The following GRAMD1B variants were observed in gnomAD, a reference collection of about 807,000 sequenced individuals.
GRAMD1B encodes the protein protein Aster-B.
GRAMD1B carries 37 observed loss-of-function variants against 99.7 expected under a neutral mutation model. The observed-to-expected ratio is 0.37, with a 90% CI of 0.29 to 0.49. The LOEUF (loss-of-function observed/expected upper bound fraction) is 0.49. Ranked by LOEUF, GRAMD1B falls within the 20% of genes least tolerant of loss-of-function variation. GRAMD1B has a pLI of 0.98. For synonymous variants in GRAMD1B, 427 were observed against 387.6 expected, an observed-to-expected ratio of 1.10 and a Z score of -1.19; for missense variants, 888 against 1,009.2, an observed-to-expected ratio of 0.88 and a Z score of 1.63.
intron 2 of GRAMD1B, among the ~76,000 whole-genome samples, chr11:123,514,177 T>C (rs1565316722): frequency 6.6e-6 from 1 of 152,050 alleles, no homozygotes. Context: ...AGGTTCAAAA[T>C]CAGGGACGCA....
In GRAMD1B at chr11:123,512,703, C is replaced by CTTTTTT. The variant is rs766565214; in HGVS notation, c.452+31828_452+31833dup. Among the ~76,000 whole-genome samples the CTTTTTT allele has an allele frequency of 7.6e-4, 78 of 103,008 alleles. 1 individual carries two copies. The highest frequency in any genetic ancestry group is 2.8e-3 in the African/African-American group (74 of 25,978). 67.6% of individuals were successfully genotyped at this position (103,008 alleles called of 152,430 possible). A position where few individuals can be genotyped will look rare whatever the true frequency, so the allele number is the denominator to read the frequency against. Reference sequence around the variant, plus strand: ...GTCATTTCAAAGCAGCATTGTGAATCTTTTTTTTTTTTTTTTTTTTTTTAA... The same window carrying CTTTTTT: ...GTCATTTCAAAGCAGCATTGTGAATCTTTTTTTTTTTTTTTTTTTTTTTTTTTTTAA... On this transcript the variant is annotated intron_variant, in intron 2 of 19. Coordinates refer to ENST00000635736, the MANE Select transcript of GRAMD1B (RefSeq NM_001387025.1).
In GRAMD1B at chr11:123,605,429, T is replaced by C. The variant is rs770423087; in HGVS notation, c.1274T>C (p.Ile425Thr). Residue 425 changes from isoleucine (I) to threonine (T), a missense_variant, in exon 10 of 20, where the codon ATC becomes ACC. Around this residue, in one of 5 missense-constraint regions of GRAMD1B, gnomAD observed 269 missense variants for 296.6 expected, o/e 0.91. Transcript: ENST00000635736. ...AGTCCACAGCTGCCCAAGAAATCCA[T>C]CACCAACAGCACACTAACATCCACA... ...DASPQLPKKS[I>T]TNSTLTSTGS... The C allele has an allele frequency of 2.0e-5, 33 of 1,613,212 alleles. No individual in the cohort carries two copies. The South Asian group carries it at 3.5e-4, about 17-fold the overall frequency.
intron 2 of GRAMD1B, among the ~76,000 whole-genome samples, chr11:123,482,226 G>A (rs2134859515): frequency 6.6e-6 from 1 of 152,114 alleles, no homozygotes; most frequent in East Asian, 1.9e-4. Context: ...AGCCTCCGGA[G>A]TAATTGGGAT....
At chr11:123,446,257 C>G (rs1427716277) in intron 1 of GRAMD1B, among the ~76,000 whole-genome samples, 9 of 152,114 alleles carry the variant, frequency 5.9e-5, no homozygotes, top group Non-Finnish European at 1.3e-4. Context: ...CCTCCACCTC[C>G]CAGGTTCAAG....
chr11:123,512,834 C>A (rs1941176691), intron 2 of GRAMD1B, among the ~76,000 whole-genome samples: 1 of 151,654 alleles, frequency 6.6e-6, no homozygotes. Context: ...TCCACGAGCC[C>A]CCTTCATTGG....
intron 2 of GRAMD1B, among the ~76,000 whole-genome samples, chr11:123,504,094 A>G (rs1940173788): frequency 6.6e-6 from 1 of 152,110 alleles, no homozygotes; most frequent in Non-Finnish European, 1.5e-5. Flanking sequence ...AGGTAATGTC[A>G]CTCATGTTTC....
intron 1 of GRAMD1B, among the ~76,000 whole-genome samples, chr11:123,436,742 C>T (rs1309733616): frequency 1.3e-5 from 2 of 152,192 alleles, no homozygotes; most frequent in Admixed American, 1.3e-4. Context: ...TACCATTGAA[C>T]ATAAGACGGC....
chr11:123,514,687 C>T (rs922267026), intron 2 of GRAMD1B, among the ~76,000 whole-genome samples: 2 of 152,128 alleles, frequency 1.3e-5, no homozygotes, highest in African/African-American at 2.4e-5. Flanking sequence ...TGTGAAAGCC[C>T]GTGCAGTGCT....
chr11:123,390,212 A>C (rs866872039), intron 1 of GRAMD1B, among the ~76,000 whole-genome samples: 6 of 152,106 alleles, frequency 3.9e-5, no homozygotes, highest in Middle Eastern at 6.8e-3. Context: ...ATGGTGTTTG[A>C]TATTGATTTC....
intron 1 of GRAMD1B, among the ~76,000 whole-genome samples, chr11:123,403,755 G>A (rs778990250): frequency 9.9e-5 from 15 of 151,822 alleles, no homozygotes; most frequent in Non-Finnish European, 2.1e-4. Context: ...CGTTGGTGAG[G>A]CTAGTCTCGA....
rs560673616 is a variant in GRAMD1B, at chr11:123,520,223, G to A, written c.452+39330G>A. 9.9e-5 allele frequency among the ~76,000 whole-genome samples: 15 copies of A among 152,258 alleles called. No individual in the cohort carries two copies. In the East Asian group the frequency reaches 2.5e-3, roughly 25 times the overall value. Reference sequence around the variant, plus strand: ...AACCCAGTAAAGTTCAGAAGAAACCGTGGTAACAAGAGACTTGGAGTAATA... The same window carrying A: ...AACCCAGTAAAGTTCAGAAGAAACCATGGTAACAAGAGACTTGGAGTAATA... On this transcript the variant is annotated intron_variant, in intron 2 of 19. Transcript: ENST00000635736.
Position 123,492,855 on chromosome 11 carries a change from C to G in GRAMD1B, c.452+11962C>G, listed in dbSNP as rs940865405. 1.5e-5 allele frequency among the ~76,000 whole-genome samples: 2 copies of G among 135,466 alleles called. No homozygotes were observed. Among genetic ancestry groups the G allele is most frequent in the African/African-American group, 6.0e-5 (2 of 33,148 alleles). The allele number at this position is 135,466 out of a possible 152,430, so 88.9% of individuals were successfully genotyped here. On this transcript the variant is annotated intron_variant, in intron 2 of 19. Coordinates refer to ENST00000635736, the MANE Select transcript of GRAMD1B (RefSeq NM_001387025.1). The surrounding 1 kb of genome is among the most constrained non-coding windows in gnomAD (Gnocchi z 4.2). ...ATCCTCTCTCTCTCTCTGTCTCTCTCTTTCACACATACACACACACACACA... is the reference window on the plus strand; with the variant it reads ...ATCCTCTCTCTCTCTCTGTCTCTCTGTTTCACACATACACACACACACACA...
chr11:123,391,396 G>T (rs1413769209), intron 1 of GRAMD1B, among the ~76,000 whole-genome samples: 1 of 152,048 alleles, frequency 6.6e-6, no homozygotes. Flanking sequence ...TCACCTCATT[G>T]AAATCTCTCT....
chr11:123,441,994 G>T (rs938252051), intron 1 of GRAMD1B, among the ~76,000 whole-genome samples: 6 of 152,180 alleles, frequency 3.9e-5, no homozygotes, highest in Non-Finnish European at 7.3e-5. Flanking sequence ...TGAGGATAGA[G>T]AATTTGAAAG....
intron 2 of GRAMD1B, among the ~76,000 whole-genome samples, chr11:123,488,466 G>A (rs1056461462): frequency 1.3e-5 from 2 of 152,212 alleles, no homozygotes; most frequent in African/African-American, 2.4e-5. Context: ...TGGCCCTGCT[G>A]TCTGCTAGGC....
intron 2 of GRAMD1B, among the ~76,000 whole-genome samples, chr11:123,512,622 C>T (rs1398276086): frequency 6.6e-6 from 1 of 150,806 alleles, no homozygotes; most frequent in East Asian, 2.0e-4. Flanking sequence ...GAGGCTGAGG[C>T]ATTTACTTTC....
rs761185461 is a variant in GRAMD1B, at chr11:123,614,778, C to T, written c.2261C>T (p.Thr754Ile). The change falls in exon 17 of 20, where the codon ACC becomes ATC. Residue 754 changes from threonine to isoleucine, a missense_variant. Physicochemically the swap from Thr to Ile is moderately conservative, Grantham distance 89 (BLOSUM62 -1). This residue lies in a region of GRAMD1B where 232 missense variants were observed against 261.7 expected (regional missense o/e 0.89). Coordinates refer to ENST00000635736, the MANE Select transcript of GRAMD1B (RefSeq NM_001387025.1). ...STQTRHIPED[T>I]PNGFHLQSVS... ...CAGACGCGGCATATCCCGGAGGACA[C>T]CCCCAACGGTTTCCACCTGCAGAGC... is the stretch of plus-strand genomic sequence containing the variant. The T allele has an allele frequency of 3.7e-6, 6 of 1,611,460 alleles. No homozygotes were observed. Among genetic ancestry groups the T allele is most frequent in the Non-Finnish European group, 4.2e-6 (5 of 1,177,818 alleles).
Position 123,622,658 on chromosome 11 carries a change from A to G in GRAMD1B, c.*63A>G. ...ATACATGTACATAGACCATATAAAT[A>G]TATATATATAAATATATATATATAC... On this transcript the variant is annotated 3_prime_UTR_variant, in exon 20 of 20. Coordinates refer to ENST00000635736, the MANE Select transcript of GRAMD1B (RefSeq NM_001387025.1). 2.5e-6 allele frequency: 1 copy of G among 400,080 alleles called. No individual in the cohort carries two copies. Among genetic ancestry groups the G allele is most frequent in the Non-Finnish European group, 4.4e-6 (1 of 226,248 alleles). The allele number at this position is 400,080 out of a possible 1,614,324, so 24.8% of individuals were successfully genotyped here.
intron 2 of GRAMD1B, among the ~76,000 whole-genome samples, chr11:123,517,587 A>G (rs1280559317): frequency 6.6e-6 from 1 of 152,202 alleles, no homozygotes; most frequent in Non-Finnish European, 1.5e-5. Flanking sequence ...GCTGTTAAGT[A>G]TAGATTTGAA....
Sources: gnomAD v4.1 joint callset for allele counts (sites outside exome capture counted in the v4.1 genomes callset) on GRCh38, gnomAD v4.1.1 for gene constraint, gnomAD v4.1.1 regional missense constraint, Gnocchi (gnomAD v3.1) non-coding constraint, MANE v1.5 for transcripts, NCBI Gene and HGNC (gene_info 2026-07-23, HGNC 2026-07-21) for gene names.